KSR2: variants seen among roughly 807,000 people sequenced by gnomAD.
KSR2 encodes kinase suppressor of ras 2.
A neutral mutation model predicts 107.8 loss-of-function variants in KSR2; 25 were observed. The observed-to-expected ratio is 0.23, with a 90% CI of 0.17 to 0.32. The LOEUF (loss-of-function observed/expected upper bound fraction) is 0.32. Ranked by LOEUF, KSR2 falls within the 10% of genes least tolerant of loss-of-function variation. The probability of loss-of-function intolerance (pLI) is 1.00; values close to 1 mark genes in which losing one functional copy is unlikely to be tolerated. For synonymous variants in KSR2, 480 were observed against 507.0 expected (o/e 0.95, Z 0.71); for missense variants, 887 against 1,268.9 (o/e 0.70, Z 4.57).
intron 3 of KSR2, among the ~76,000 whole-genome samples, chr12:117,834,645 C>T (rs758694248): frequency 1.6e-4 from 24 of 152,190 alleles, no homozygotes; most frequent in Admixed American, 3.3e-4. Context: ...GCTCGGGCTG[C>T]GGTGAGGCTC....
At chr12:117,730,769 C>T (rs112694112) in intron 4 of KSR2, among the ~76,000 whole-genome samples, 4 of 152,352 alleles carry the variant, frequency 2.6e-5, no homozygotes, top group Admixed American at 1.3e-4. Context: ...CTCGGCCTCC[C>T]GAGGTGCCGG....
chr12:117,534,224 C>T (rs1330123246), intron 10 of KSR2, among the ~76,000 whole-genome samples: 1 of 152,180 alleles, frequency 6.6e-6, no homozygotes, highest in African/African-American at 2.4e-5. Flanking sequence ...GAAGAAAGGT[C>T]AAGTCATTCT....
intron 14 of KSR2, among the ~76,000 whole-genome samples, chr12:117,494,111 C>T (rs1156909955): frequency 6.6e-6 from 1 of 152,188 alleles, no homozygotes; most frequent in African/African-American, 2.4e-5. Context: ...TGAATGGATG[C>T]AGTGCCTTAG....
At chr12:117,580,448 C>G (rs554792260) in intron 6 of KSR2, among the ~76,000 whole-genome samples, 29 of 152,286 alleles carry the variant, frequency 1.9e-4, no homozygotes, top group African/African-American at 6.5e-4. Context: ...GGCGGGCAGG[C>G]TTCATAAGCA....
At chr12:117,863,571 C>T (rs1893380774) in intron 1 of KSR2, among the ~76,000 whole-genome samples, 1 of 152,234 alleles carries the variant, frequency 6.6e-6, no homozygotes, top group South Asian at 2.1e-4. Flanking sequence ...AATTAAAGAA[C>T]ATCGAATCCA....
intron 7 of KSR2, among the ~76,000 whole-genome samples, chr12:117,573,446 C>A (rs1280574526): frequency 6.6e-6 from 1 of 151,628 alleles, no homozygotes; most frequent in African/African-American, 2.4e-5. Flanking sequence ...CAGGGAGCCA[C>A]ACAACCAGTT....
intron 19 of KSR2, among the ~76,000 whole-genome samples, chr12:117,468,119 G>A (rs1871249676): frequency 6.6e-6 from 1 of 152,152 alleles, no homozygotes; most frequent in South Asian, 2.1e-4. Flanking sequence ...GCTTCCTTCT[G>A]TCTGTTTTCA....
At chr12:117,584,868 G>C (rs1260464217) in intron 5 of KSR2, among the ~76,000 whole-genome samples, 3 of 152,212 alleles carry the variant, frequency 2.0e-5, no homozygotes, top group African/African-American at 7.2e-5. Context: ...AAGGAGCTCA[G>C]AGAAGTGCAG....
chr12:117,830,323 AT>A (rs2137111173), intron 3 of KSR2, among the ~76,000 whole-genome samples: 1 of 152,050 alleles, frequency 6.6e-6, no homozygotes, highest in East Asian at 1.9e-4. Context: ...GGTCATAAAG[AT>A]GGGAACAAAA....
At chr12:117,745,072 T>C (rs1888358071) in intron 4 of KSR2, among the ~76,000 whole-genome samples, 1 of 152,164 alleles carries the variant, frequency 6.6e-6, no homozygotes. Context: ...GTAAGTGACA[T>C]GCCCAGGGTC....
In KSR2 at chr12:117,525,423, A is replaced by T. The variant is rs141305833; in HGVS notation, c.1852-204T>A. Among the ~76,000 whole-genome samples, 31 of 152,234 alleles carry T rather than the reference A, an allele frequency of 2.0e-4. No homozygotes were observed. In the East Asian group the frequency reaches 6.0e-3, roughly 30 times the overall value. On this transcript the variant is annotated intron_variant, in intron 13 of 19. Coordinates refer to ENST00000339824, the MANE Select transcript of KSR2 (RefSeq NM_173598.6). ...CTACAGTGAAGGTGCTGAAAGGGAG[A>T]TCATGATCATCCACCTCTCTTGTGC...
At chr12:117,819,386 C>T (rs1245770217) in intron 3 of KSR2, among the ~76,000 whole-genome samples, 1 of 152,192 alleles carries the variant, frequency 6.6e-6, no homozygotes, top group East Asian at 1.9e-4. Context: ...GTCGTAGGTG[C>T]CTCAGGGATC....
chr12:117,901,929 G>T (rs1205006738), intron 1 of KSR2, among the ~76,000 whole-genome samples: 1 of 152,118 alleles, frequency 6.6e-6, no homozygotes, highest in Non-Finnish European at 1.5e-5. Flanking sequence ...ATTTTAATAG[G>T]TATACAGATG....
chr12:117,551,099 A>T (rs1036139651), intron 9 of KSR2, among the ~76,000 whole-genome samples: 3 of 152,232 alleles, frequency 2.0e-5, no homozygotes, highest in Non-Finnish European at 4.4e-5. Flanking sequence ...CCACTACTGC[A>T]GATGGTATTT....
intron 3 of KSR2, among the ~76,000 whole-genome samples, chr12:117,764,694 G>A (rs1889164117): frequency 6.6e-6 from 1 of 152,164 alleles, no homozygotes; most frequent in Non-Finnish European, 1.5e-5. Context: ...TTAGCCCAGT[G>A]AGTAAGAGAG....
intron 1 of KSR2, among the ~76,000 whole-genome samples, chr12:117,882,015 C>T (rs929155167): frequency 2.6e-5 from 4 of 152,152 alleles, no homozygotes; most frequent in Admixed American, 2.6e-4. Context: ...TATACATTTC[C>T]CTGAAATCTC....
intron 1 of KSR2, among the ~76,000 whole-genome samples, chr12:117,903,696 T>C (rs1894757443): frequency 6.6e-6 from 1 of 152,214 alleles, no homozygotes; most frequent in Admixed American, 6.5e-5. Context: ...TTTTCTGAAA[T>C]ATGTACATTT....
At chr12:117,549,060 C>T (rs1409734727) in intron 9 of KSR2, among the ~76,000 whole-genome samples, 5 of 152,208 alleles carry the variant, frequency 3.3e-5, no homozygotes, top group Non-Finnish European at 7.3e-5. Context: ...ATTCTAACCA[C>T]CTGCCACGCA....
At chr12:117,921,621 T>C (rs927426997) in intron 1 of KSR2, among the ~76,000 whole-genome samples, 1 of 152,182 alleles carries the variant, frequency 6.6e-6, no homozygotes, top group Non-Finnish European at 1.5e-5. Context: ...TTCACGTCTC[T>C]GAATGTCAGC....
Sources: gnomAD v4.1 joint callset for allele counts (sites outside exome capture counted in the v4.1 genomes callset) on GRCh38, gnomAD v4.1.1 for gene constraint, MANE v1.5 for transcripts, NCBI Gene and HGNC (gene_info 2026-07-23, HGNC 2026-07-21) for gene names.